Variants in ZNF462 observed in about 807,000 individuals in gnomAD.
The protein encoded by ZNF462 is zinc finger PBX1-interacting protein.
In ZNF462, 10 loss-of-function variants were observed where a neutral mutation model predicts 201.9. The ratio of observed to expected loss-of-function variants is 0.05; its 90% confidence interval spans 0.03 to 0.08. ZNF462 has a LOEUF of 0.08. Among genes scored for constraint, ZNF462 ranks in the 10% least tolerant of loss-of-function variants. The probability of loss-of-function intolerance (pLI) is 1.00; values close to 1 mark genes in which losing one functional copy is unlikely to be tolerated. For synonymous variants in ZNF462, 1,227 were observed against 1,193.3 expected, an observed-to-expected ratio of 1.03 and a Z score of -0.58; for missense variants, 2,523 against 3,168.3, an observed-to-expected ratio of 0.80 and a Z score of 4.89.
chr9:107,008,741 C>T lies in ZNF462; in HGVS notation c.7190-804C>T, dbSNP rs1162317732. On this transcript the variant is annotated intron_variant, in intron 11 of 12. Transcript: ENST00000277225. The surrounding 1 kb of genome is among the most constrained non-coding windows in gnomAD (Gnocchi z 4.8). ...CAGCCAATCCACATTTATCAGACTT[C>T]TACCATGTGCCTAGTACCATGGAGG... Among the ~76,000 whole-genome samples the T allele has an allele frequency of 6.6e-6, 1 of 152,198 alleles. No homozygotes were observed. Among genetic ancestry groups the T allele is most frequent in the African/African-American group, 2.4e-5 (1 of 41,460 alleles).
Position 106,913,891 on chromosome 9 carries a change from T to G in ZNF462, c.-30-9463T>G, listed in dbSNP as rs1232196448. Reference sequence around the variant, plus strand: ...TGCTAGGATTACAGGCATGAGACACTGTGCCCAGCTGACTTGACCATTTTT... The same window carrying G: ...TGCTAGGATTACAGGCATGAGACACGGTGCCCAGCTGACTTGACCATTTTT... On this transcript the variant is annotated intron_variant, in intron 1 of 12. Transcript: ENST00000277225. This position sits in a 1 kb window ranked among gnomAD's most constrained non-coding sequence, Gnocchi z 4.1. Among the ~76,000 whole-genome samples, 3 of 150,608 alleles carry G rather than the reference T, an allele frequency of 2.0e-5. No homozygotes were observed. The highest frequency in any genetic ancestry group is 3.0e-5 in the Non-Finnish European group (2 of 67,428).
At chr9:106,908,934 TATATATA>T (rs1293643588) in intron 1 of ZNF462, among the ~76,000 whole-genome samples, 88 of 37,374 alleles carry the variant, frequency 2.4e-3, no homozygotes, top group African/African-American at 5.0e-3. Flanking sequence ...TATATATATA[TATATATA>T]TTTTTTTTTT....
At chr9:106,914,160 G>A (rs866965931) in intron 1 of ZNF462, among the ~76,000 whole-genome samples, 5 of 150,176 alleles carry the variant, frequency 3.3e-5, no homozygotes, top group Middle Eastern at 6.9e-3. Context: ...TAAAATCTTG[G>A]ACCTGGGCTC....
chr9:106,862,706 T>C (rs1827109575), upstream of ZNF462, among the ~76,000 whole-genome samples: 1 of 152,098 alleles, frequency 6.6e-6, no homozygotes, highest in South Asian at 2.1e-4. This position sits in a 1 kb window ranked among gnomAD's most constrained non-coding sequence, Gnocchi z 4.2. Flanking sequence ...CTTGCCTCCT[T>C]CTGGGGTTCA....
At chr9:106,959,301 G>A (rs1831721810) in intron 7 of ZNF462, among the ~76,000 whole-genome samples, 2 of 152,096 alleles carry the variant, frequency 1.3e-5, no homozygotes, top group East Asian at 1.9e-4. Flanking sequence ...CTAGAGCTGG[G>A]ATGAATACTA....
Position 106,926,293 on chromosome 9 carries a change from C to G in ZNF462, c.2381C>G (p.Ser794Cys), listed in dbSNP as rs1386660761. 2 of 1,614,066 alleles carry G rather than the reference C, an allele frequency of 1.2e-6. No homozygotes were observed. Among genetic ancestry groups the G allele is most frequent in the Non-Finnish European group, 1.7e-6 (2 of 1,180,030 alleles). The change falls in exon 3 of 13, where the codon TCT becomes TGT. Residue 794 changes from serine (S) to cysteine (C), a missense_variant. Ser to Cys is a moderately radical substitution (Grantham distance 112, BLOSUM62 -1). Around this residue, in one of 15 missense-constraint regions of ZNF462, gnomAD observed 383 missense variants for 453.4 expected, o/e 0.84. Transcript: ENST00000277225. The surrounding 1 kb of genome is among the most constrained non-coding windows in gnomAD (Gnocchi z 7.9). ...TNGAEIELTL[S>C]EDEEDYYGSS... Reference sequence around the variant, plus strand: ...GGGGCTGAGATTGAGCTCACCCTTTCTGAAGATGAAGAGGATTATTATGGC... The same window carrying G: ...GGGGCTGAGATTGAGCTCACCCTTTGTGAAGATGAAGAGGATTATTATGGC...
At chr9:106,894,669 G>C (rs543270164) in intron 1 of ZNF462, among the ~76,000 whole-genome samples, 1 of 152,142 alleles carries the variant, frequency 6.6e-6, no homozygotes, top group Non-Finnish European at 1.5e-5. Context: ...TGTCCAGTGT[G>C]GTAGCCCTGA....
chr9:106,928,466 G>A lies in ZNF462; in HGVS notation c.4554G>A (p.Arg1518=). 2 of 1,614,088 alleles carry A rather than the reference G, an allele frequency of 1.2e-6. No individual in the cohort carries two copies. The highest frequency in any genetic ancestry group is 1.7e-6 in the Non-Finnish European group (2 of 1,180,034). ...DINPGAVYKC[R]HCPYINTRIH... is the part of the protein sequence containing the mutation. ...ACCCAGGTGCCGTCTACAAATGCAG[G>A]CATTGCCCATACATCAACACCCGCA... The change falls in exon 3 of 13, where the codon AGG becomes AGA. Residue 1518 remains arginine, a synonymous_variant. Coordinates refer to ENST00000277225, the MANE Select transcript of ZNF462 (RefSeq NM_021224.6). This position sits in a 1 kb window ranked among gnomAD's most constrained non-coding sequence, Gnocchi z 9.3.
intron 1 of ZNF462, among the ~76,000 whole-genome samples, chr9:106,914,363 C>T (rs980038646): frequency 1.3e-5 from 2 of 152,198 alleles, no homozygotes; most frequent in Non-Finnish European, 2.9e-5. Context: ...TTGTAGAATG[C>T]TTAGCAGTAT....
In ZNF462 at chr9:106,935,704, T is replaced by A. The variant is rs189188159; in HGVS notation, c.6235+83T>A. ...ATGATCTTTATTGAGTGAAATACTG[T>A]CCTGCCTTACACTTGAGAATGTTAT... On this transcript the variant is annotated intron_variant, in intron 6 of 12. Transcript: ENST00000277225. This position sits in a 1 kb window ranked among gnomAD's most constrained non-coding sequence, Gnocchi z 4.1. The A allele has an allele frequency of 1.4e-3, 1,458 of 1,075,640 alleles. 3 individuals carry two copies. The highest frequency in any genetic ancestry group is 1.8e-3 in the Non-Finnish European group (1,293 of 711,702). The allele number at this position is 1,075,640 out of a possible 1,614,324, so 66.6% of individuals were successfully genotyped here.
At chr9:106,918,300 T>G (rs1427714576) in intron 1 of ZNF462, among the ~76,000 whole-genome samples, 1 of 152,208 alleles carries the variant, frequency 6.6e-6, no homozygotes, top group African/African-American at 2.4e-5. Context: ...ATATATGAGT[T>G]AAAATTAAAT....
chr9:106,947,124 T>C (rs1219385887), intron 7 of ZNF462, among the ~76,000 whole-genome samples: 3 of 152,212 alleles, frequency 2.0e-5, no homozygotes, highest in African/African-American at 7.2e-5. Context: ...CGTTTCTGTT[T>C]AGGCTCAGGA....
rs570383217 is a variant in ZNF462, at chr9:106,972,713, C to G, written c.6695+441C>G. ...TAGAAAATTCTTTAATTCTTAAGAT[C>G]GTAGTATTGAAAGACACATAGAGAA... On this transcript the variant is annotated intron_variant, in intron 8 of 12. Transcript: ENST00000277225. The surrounding 1 kb of genome is among the most constrained non-coding windows in gnomAD (Gnocchi z 4.8). Among the ~76,000 whole-genome samples the G allele has an allele frequency of 3.3e-5, 5 of 152,228 alleles. No homozygotes were observed. The highest frequency in any genetic ancestry group is 2.1e-4 in the South Asian group (1 of 4,818).
chr9:106,941,633 A>G (rs1340456536), intron 7 of ZNF462, among the ~76,000 whole-genome samples: 8 of 152,382 alleles, frequency 5.2e-5, no homozygotes, highest in Admixed American at 3.3e-4. Flanking sequence ...TAAATGACCT[A>G]TATCAATGGA....
chr9:106,941,056 A>G (rs1830848067), intron 7 of ZNF462, among the ~76,000 whole-genome samples: 1 of 152,152 alleles, frequency 6.6e-6, no homozygotes, highest in Non-Finnish European at 1.5e-5. Context: ...ATTTTTCTCA[A>G]TGTCATACCT....
rs1478822411 is a variant in ZNF462, at chr9:106,974,352, AG to A, written c.6832+80del. 2.5e-6 allele frequency: 4 copies of A among 1,595,224 alleles called. No individual in the cohort carries two copies. Among genetic ancestry groups the A allele is most frequent in the Non-Finnish European group, 3.4e-6 (4 of 1,163,250 alleles). The stretch of plus-strand genomic sequence containing the variant: ...TGGCCTTCTAGGGATGCTCTCTCAG[AG>A]TGGCAGTAGCACCTGTGCCTTGTTC... On this transcript the variant is annotated intron_variant, in intron 9 of 12. Transcript: ENST00000277225. The surrounding 1 kb of genome is among the most constrained non-coding windows in gnomAD (Gnocchi z 4.0).
chr9:106,882,079 C>T (rs1267003899), intron 1 of ZNF462, among the ~76,000 whole-genome samples: 1 of 152,176 alleles, frequency 6.6e-6, no homozygotes, highest in Non-Finnish European at 1.5e-5. Flanking sequence ...TGCAACTCTT[C>T]ATGTTGGTGT....
chr9:107,011,013 G>T lies in ZNF462; in HGVS notation c.7504G>T (p.Glu2502Ter). 1 of 1,613,296 alleles carries T rather than the reference G, an allele frequency of 6.2e-7. No individual in the cohort carries two copies. The highest frequency in any genetic ancestry group is 8.5e-7 in the Non-Finnish European group (1 of 1,179,802). ...TADKSLLENA[E>*]AKKE ...CGACAAATCTCTCCTGGAGAATGCAGAGGCCAAAAAAGAATGAGCGTTTGG... is the reference window on the plus strand; with the variant it reads ...CGACAAATCTCTCCTGGAGAATGCATAGGCCAAAAAAGAATGAGCGTTTGG... Residue 2502 changes from glutamate to a stop codon, truncating the protein, a stop_gained, in exon 13 of 13, where the codon GAG becomes TAG. Coordinates refer to ENST00000277225, the MANE Select transcript of ZNF462 (RefSeq NM_021224.6). LOFTEE classifies it high-confidence loss of function. This position sits in a 1 kb window ranked among gnomAD's most constrained non-coding sequence, Gnocchi z 5.6.
In ZNF462 at chr9:106,925,305, G is replaced by A. The variant is rs1830144441; in HGVS notation, c.1393G>A (p.Gly465Arg). Residue 465 changes from glycine (G) to arginine (R), a missense_variant, in exon 3 of 13, where the codon GGA (glycine) becomes AGA (arginine). By Grantham distance (125) the Gly-to-Arg change is moderately radical. Around this residue, in one of 15 missense-constraint regions of ZNF462, gnomAD observed 13 missense variants for 43.2 expected, o/e 0.30. Coordinates refer to ENST00000277225, the MANE Select transcript of ZNF462 (RefSeq NM_021224.6). The surrounding 1 kb of genome is among the most constrained non-coding windows in gnomAD (Gnocchi z 7.9). Reference protein sequence around the residue: ...SRHIENIHLSGKTAVYKCDEC... With the variant: ...SRHIENIHLSRKTAVYKCDEC... Reference sequence around the variant, plus strand: ...TCACATAGAAAACATCCACTTATCTGGAAAGACAGCTGTCTACAAATGTGA... The same window carrying A: ...TCACATAGAAAACATCCACTTATCTAGAAAGACAGCTGTCTACAAATGTGA... 1 of 1,614,016 alleles carries A rather than the reference G, an allele frequency of 6.2e-7. No homozygotes were observed. The highest frequency in any genetic ancestry group is 1.7e-5 in the Admixed American group (1 of 59,998).
Sources: gnomAD v4.1 joint callset for allele counts (sites outside exome capture counted in the v4.1 genomes callset) on GRCh38, gnomAD v4.1.1 for gene constraint, gnomAD v4.1.1 regional missense constraint, Gnocchi (gnomAD v3.1) non-coding constraint, MANE v1.5 for transcripts, NCBI Gene and HGNC (gene_info 2026-07-23, HGNC 2026-07-21) for gene names.